Variants in DPYD observed in about 807,000 individuals in gnomAD.
DPYD encodes the protein dihydropyrimidine dehydrogenase, also known as dihydropyrimidine dehydrogenase [NADP(+)].
A neutral mutation model predicts 116.2 loss-of-function variants in DPYD; 109 were observed. The observed-to-expected ratio is 0.94, with a 90% CI of 0.80 to 1.10. The LOEUF (loss-of-function observed/expected upper bound fraction) is 1.10, where lower values mean the gene tolerates loss of function less well. Ranked by LOEUF, DPYD falls within the 50% of genes least tolerant of loss-of-function variation. The pLI, the probability that DPYD is intolerant of heterozygous loss-of-function variation, is 0.00. For synonymous variants in DPYD, 440 were observed against 432.0 expected (o/e 1.02, Z -0.23); for missense variants, 1,302 against 1,254.5 (o/e 1.04, Z -0.57).
intron 14 of DPYD, among the ~76,000 whole-genome samples, chr1:97,393,291 C>CT (rs58473176): frequency 0.19 from 28,501 of 148,758 alleles, 2,766 homozygotes; most frequent in South Asian, 0.37. Context: ...AGCCTATTTT[C>CT]TTTTTTTTTT....
intron 18 of DPYD, among the ~76,000 whole-genome samples, chr1:97,282,918 A>G (rs1479342090): frequency 6.6e-6 from 1 of 152,126 alleles, no homozygotes; most frequent in African/African-American, 2.4e-5. Context: ...GCTGTGTAGT[A>G]TTCCATGGTG....
rs191170576 is a variant in DPYD, at chr1:97,372,820, T to C, written c.2058+741A>G. ...GGAGATAAAATAAACTTTCCAGGACTAGACAATCCGTCAGAAATTACTACA... is the reference window on the plus strand; with the variant it reads ...GGAGATAAAATAAACTTTCCAGGACCAGACAATCCGTCAGAAATTACTACA... On this transcript the variant is annotated intron_variant, in intron 16 of 22. Coordinates refer to ENST00000370192, the MANE Select transcript of DPYD (RefSeq NM_000110.4). 2.0e-3 allele frequency among the ~76,000 whole-genome samples: 305 copies of C among 152,252 alleles called. 3 individuals are homozygous for C. The highest frequency in any genetic ancestry group is 3.9e-3 in the Admixed American group (60 of 15,282).
intron 13 of DPYD, among the ~76,000 whole-genome samples, chr1:97,480,455 A>C (rs1263806633): frequency 6.6e-6 from 1 of 152,248 alleles, no homozygotes; most frequent in African/African-American, 2.4e-5. Flanking sequence ...ACAGGAAGTC[A>C]ATAGAAAATG....
intron 20 of DPYD, among the ~76,000 whole-genome samples, chr1:97,147,743 C>A (rs779016595): frequency 2.0e-5 from 3 of 152,156 alleles, no homozygotes; most frequent in African/African-American, 7.2e-5. Flanking sequence ...CGTCCTTAGC[C>A]CATCAGTCCA....
intron 14 of DPYD, among the ~76,000 whole-genome samples, chr1:97,384,658 T>C (rs993303521): frequency 7.2e-5 from 11 of 152,040 alleles, no homozygotes; most frequent in African/African-American, 2.7e-4. Flanking sequence ...TTAGGGCTGA[T>C]GAAGGTATCT....
chr1:97,720,099 C>T, intron 5 of DPYD: 1 of 984,830 alleles, frequency 1.0e-6, no homozygotes, highest in Non-Finnish European at 1.2e-6. Context: ...GAATTAAAAC[C>T]ATGTGAGAGT....
Position 97,735,421 on chromosome 1 carries a change from A to C in DPYD, c.321+4971T>G, listed in dbSNP as rs1663870213. Among the ~76,000 whole-genome samples the C allele has an allele frequency of 2.6e-5, 4 of 151,842 alleles. No individual in the cohort carries two copies. The South Asian group carries it at 8.3e-4, about 31-fold the overall frequency. ...GCCAGGTGCGGTGGCTCACGCCTGTAATCCCAGCACTTTGGGAGGCCAAAG... is the reference window on the plus strand; with the variant it reads ...GCCAGGTGCGGTGGCTCACGCCTGTCATCCCAGCACTTTGGGAGGCCAAAG... On this transcript the variant is annotated intron_variant, in intron 4 of 22. Coordinates refer to ENST00000370192, the MANE Select transcript of DPYD (RefSeq NM_000110.4).
chr1:97,851,543 C>T (rs552473934), intron 2 of DPYD, among the ~76,000 whole-genome samples: 52 of 151,878 alleles, frequency 3.4e-4, no homozygotes, highest in African/African-American at 1.2e-3. Context: ...CAGGTGCATT[C>T]GGACCTCCCC....
chr1:97,810,489 T>C (rs545892009), intron 3 of DPYD, among the ~76,000 whole-genome samples: 15 of 152,102 alleles, frequency 9.9e-5, no homozygotes, highest in African/African-American at 3.4e-4. Flanking sequence ...CAAAGAAACA[T>C]TCTACTAATG....
chr1:97,172,854 T>C (rs1656830936), intron 20 of DPYD, among the ~76,000 whole-genome samples: 1 of 152,152 alleles, frequency 6.6e-6, no homozygotes, highest in South Asian at 2.1e-4. Flanking sequence ...CCATTGCCTA[T>C]AGAATGGAAT....
At chr1:97,311,730 T>C (rs1042372121) in intron 16 of DPYD, among the ~76,000 whole-genome samples, 22 of 151,688 alleles carry the variant, frequency 1.5e-4, no homozygotes, top group African/African-American at 5.3e-4. Flanking sequence ...GAAAAATAAA[T>C]GGTAATATAG....
chr1:97,850,146 C>T (rs1670500772), intron 2 of DPYD, among the ~76,000 whole-genome samples: 1 of 152,138 alleles, frequency 6.6e-6, no homozygotes, highest in Non-Finnish European at 1.5e-5. Context: ...GCTGAGCTGT[C>T]TAAGGGAAAT....
intron 20 of DPYD, among the ~76,000 whole-genome samples, chr1:97,138,695 A>C (rs911645256): frequency 2.6e-5 from 4 of 152,158 alleles, no homozygotes; most frequent in Non-Finnish European, 4.4e-5. Context: ...GATTTAAAAA[A>C]CATAAATATG....
chr1:97,303,170 T>C (rs1251749282), intron 18 of DPYD, among the ~76,000 whole-genome samples: 2 of 152,000 alleles, frequency 1.3e-5, no homozygotes, highest in Admixed American at 6.6e-5. Context: ...AGCTAAAGAA[T>C]ATATTGAAAG....
At chr1:97,909,495 G>A (rs1238174992) in intron 1 of DPYD, among the ~76,000 whole-genome samples, 2 of 152,038 alleles carry the variant, frequency 1.3e-5, no homozygotes, top group African/African-American at 2.4e-5. Flanking sequence ...CAATGCCATT[G>A]TCTTACTTCC....
intron 20 of DPYD, among the ~76,000 whole-genome samples, chr1:97,181,927 A>G (rs1174823861): frequency 6.6e-6 from 1 of 152,122 alleles, no homozygotes; most frequent in Non-Finnish European, 1.5e-5. Flanking sequence ...TATGATTTCT[A>G]ATCTTTACAA....
chr1:97,878,004 T>G lies in DPYD; in HGVS notation c.150+5260A>C, dbSNP rs532756232. Among the ~76,000 whole-genome samples, 18 of 152,098 alleles carry G rather than the reference T, an allele frequency of 1.2e-4. 1 individual carries two copies. In the South Asian group the frequency reaches 2.3e-3, roughly 19 times the overall value. On this transcript the variant is annotated intron_variant, in intron 2 of 22. Coordinates refer to ENST00000370192, the MANE Select transcript of DPYD (RefSeq NM_000110.4). ...CAAAAGTATAAAAATTAAACGTATT[T>G]GGAACATAAGAAATATTATTAGAAA...
intron 16 of DPYD, among the ~76,000 whole-genome samples, chr1:97,317,052 T>G (rs1031039219): frequency 2.0e-5 from 3 of 151,946 alleles, no homozygotes; most frequent in African/African-American, 7.2e-5. Context: ...TTAGGACACC[T>G]CCAAATCTTC....
chr1:97,104,790 C>A (rs1651014664), intron 20 of DPYD, among the ~76,000 whole-genome samples: 1 of 152,134 alleles, frequency 6.6e-6, no homozygotes, highest in Non-Finnish European at 1.5e-5. Context: ...GAGGGTGAGG[C>A]ACTTCACCTG....
Sources: gnomAD v4.1 joint callset for allele counts (sites outside exome capture counted in the v4.1 genomes callset) on GRCh38, gnomAD v4.1.1 for gene constraint, MANE v1.5 for transcripts, NCBI Gene and HGNC (gene_info 2026-07-23, HGNC 2026-07-21) for gene names.